The following SNAP91 variants were observed in gnomAD, a reference collection of about 807,000 sequenced individuals.
The protein encoded by SNAP91 is clathrin coat assembly protein AP180.
A neutral mutation model predicts 100.3 loss-of-function variants in SNAP91; 27 were observed. That is an observed-to-expected ratio of 0.27 (90% CI 0.20 to 0.37). SNAP91 has a LOEUF of 0.37. SNAP91 is among the 10% of genes least tolerant of loss of function. The probability of loss-of-function intolerance (pLI) is 1.00; values close to 1 mark genes in which losing one functional copy is unlikely to be tolerated. For missense variants in SNAP91, 986 were observed against 1,123.7 expected (o/e 0.88, Z 1.75); for synonymous variants, 404 against 398.6 (o/e 1.01, Z -0.16).
intron 21 of SNAP91, 140 bp from the exon 22 acceptor site, chr6:83,591,434 C>T (rs2093732456): frequency 3.5e-6 from 2 of 565,732 alleles, no homozygotes; most frequent in East Asian, 5.7e-5. Flanking sequence ...GTGAAATGAT[C>T]ACATGAATTG....
Position 83,617,095 on chromosome 6 carries a change from A to G in SNAP91, c.808-56T>C, listed in dbSNP as rs368494510. 6 of 1,155,798 alleles carry G rather than the reference A, an allele frequency of 5.2e-6. No homozygotes were observed. The African/African-American group carries it at 9.3e-5, about 18-fold the overall frequency. 71.6% of individuals were successfully genotyped at this position (1,155,798 alleles called of 1,614,324 possible). On this transcript the variant is annotated intron_variant, in intron 9 of 29. Transcript: ENST00000369694. ...CATTGTTTACTTTCAATGTAAACAC[A>G]CTGTAATGTCACTGTAACTGTATGG...
intron 17 of SNAP91, among the ~76,000 whole-genome samples, chr6:83,594,081 A>G (rs1439873490): frequency 6.6e-6 from 1 of 152,202 alleles, no homozygotes; most frequent in Non-Finnish European, 1.5e-5. Flanking sequence ...AAACATGCCA[A>G]TATATTTGAA....
chr6:83,610,605 TA>T, intron 12 of SNAP91, 44 bp downstream of exon 12: 3 of 589,788 alleles, frequency 5.1e-6, no homozygotes, highest in East Asian at 2.9e-5. Flanking sequence ...GGTAAAATGG[TA>T]AAAAACAAAA....
chr6:83,647,249 G>A (rs918294374), intron 7 of SNAP91, among the ~76,000 whole-genome samples: 4 of 152,108 alleles, frequency 2.6e-5, no homozygotes, highest in Non-Finnish European at 4.4e-5. Context: ...GTAGTGAGAG[G>A]AGACACTTTG....
intron 5 of SNAP91, among the ~76,000 whole-genome samples, chr6:83,659,296 T>C (rs964420997): frequency 1.2e-4 from 18 of 152,192 alleles, no homozygotes; most frequent in African/African-American, 3.9e-4. Context: ...GCAATGCTTG[T>C]TTGTTTTCTA....
chr6:83,603,720 C>T (rs2095434829), intron 14 of SNAP91, among the ~76,000 whole-genome samples: 1 of 152,086 alleles, frequency 6.6e-6, no homozygotes, highest in African/African-American at 2.4e-5. Flanking sequence ...ATGAGAAAGG[C>T]TCACAGCGTG....
chr6:83,579,081 C>T (rs1562187155), intron 24 of SNAP91, among the ~76,000 whole-genome samples: 1 of 152,188 alleles, frequency 6.6e-6, no homozygotes, highest in East Asian at 1.9e-4. Flanking sequence ...TTATTCTATA[C>T]CTTTGGTCTC....
At chr6:83,580,736 CT>C in intron 23 of SNAP91, 137 bp from the exon 24 acceptor site, 1 of 719,610 alleles carries the variant, frequency 1.4e-6, no homozygotes, top group Non-Finnish European at 2.2e-6. Context: ...GTAATTCACA[CT>C]TTTCATGACT....
intron 7 of SNAP91, among the ~76,000 whole-genome samples, chr6:83,655,339 T>C (rs1309638801): frequency 6.6e-6 from 1 of 152,200 alleles, no homozygotes; most frequent in East Asian, 1.9e-4. Flanking sequence ...TAGTGTCACA[T>C]ATGAGTCAGG....
At chr6:83,691,547 T>C (rs2099130328) in intron 2 of SNAP91, among the ~76,000 whole-genome samples, 1 of 152,180 alleles carries the variant, frequency 6.6e-6, no homozygotes, top group Non-Finnish European at 1.5e-5. Context: ...ATTTTACAAA[T>C]TGTTCCTCAA....
chr6:83,658,999 A>C lies in SNAP91; in HGVS notation c.546T>G (p.Asp182Glu), dbSNP rs781177152. Reference protein sequence around the residue: ...QGQIDALLEFDVHPNELTNGV... With the variant: ...QGQIDALLEFEVHPNELTNGV... ...AAACATTTTCTAGTGAGATACATAC[A>C]TCAAATTCAAGCAGTGCATCAATTT... is the stretch of plus-strand genomic sequence containing the variant. Residue 182 changes from aspartate to glutamate, a missense_variant and splice_region_variant, in exon 6 of 30, where the codon GAT becomes GAG. Physicochemically the swap from Asp to Glu is conservative, Grantham distance 45. Around this residue, in one of 4 missense-constraint regions of SNAP91, gnomAD observed 330 missense variants for 447.5 expected, o/e 0.74. Transcript: ENST00000369694. The C allele has an allele frequency of 3.8e-6, 6 of 1,592,788 alleles. No individual in the cohort carries two copies. Among genetic ancestry groups the C allele is most frequent in the Non-Finnish European group, 5.1e-6 (6 of 1,167,436 alleles).
At chr6:83,646,079 T>C (rs969213779) in intron 7 of SNAP91, among the ~76,000 whole-genome samples, 4 of 152,364 alleles carry the variant, frequency 2.6e-5, no homozygotes, top group African/African-American at 7.2e-5. Flanking sequence ...GGTTGTTTTA[T>C]TATTTTTTAG....
Position 83,601,415 on chromosome 6 carries a change from C to G in SNAP91, c.1180G>C (p.Val394Leu), listed in dbSNP as rs1562290453. The change falls in exon 16 of 30, where the codon GTT becomes CTT. Residue 394 changes from valine (V) to leucine (L), a missense_variant. By Grantham distance (32) the Val-to-Leu change is conservative. Coordinates refer to ENST00000369694, the MANE Select transcript of SNAP91 (RefSeq NM_001242792.2). The part of the protein sequence containing the change: ...GEDSLAALSS[V>L]PSEAQISDPF... ...TCTGAAATCTGTGCTTCAGAGGGAA[C>G]AGAGGAAAGTGCAGCCAAAGAATCT... 6.2e-7 allele frequency: 1 copy of G among 1,613,358 alleles called. No individual in the cohort carries two copies. The highest frequency in any genetic ancestry group is 8.5e-7 in the Non-Finnish European group (1 of 1,179,734).
chr6:83,610,575 T>A, intron 12 of SNAP91, 75 bp downstream of exon 12: 10 of 512,570 alleles, frequency 2.0e-5, no homozygotes, highest in Non-Finnish European at 2.9e-5. Context: ...ATAATGCCAC[T>A]GAACTGTACA....
chr6:83,615,636 G>A (rs1164233982), intron 10 of SNAP91, among the ~76,000 whole-genome samples: 1 of 152,086 alleles, frequency 6.6e-6, no homozygotes, highest in Non-Finnish European at 1.5e-5. Context: ...GCCCCTGAGA[G>A]CTCCTACTAT....
intron 19 of SNAP91, 60 bp from the exon 20 acceptor site, chr6:83,593,077 A>G: frequency 6.5e-7 from 1 of 1,536,568 alleles, no homozygotes; most frequent in Non-Finnish European, 8.8e-7. Context: ...GCTGAAATCA[A>G]AGTCAAAAAT....
intron 2 of SNAP91, among the ~76,000 whole-genome samples, chr6:83,677,485 ATGCACCACTATTACTTCAGAAGGGGATGG>A (rs2098926865): frequency 6.6e-6 from 1 of 152,198 alleles, no homozygotes; most frequent in Admixed American, 6.5e-5. Flanking sequence ...AACTAGGGCC[ATGCACCACTATTACTTCAGAAGGGGATGG>A]TGGAGAGAAG....
At chr6:83,700,783 A>G (rs2099285210) in intron 2 of SNAP91, among the ~76,000 whole-genome samples, 1 of 152,008 alleles carries the variant, frequency 6.6e-6, no homozygotes, top group South Asian at 2.1e-4. Flanking sequence ...TTTTTTATAG[A>G]GATGGAGTCT....
Position 83,582,315 on chromosome 6 carries a change from T to G in SNAP91, c.2056A>C (p.Thr686Pro), listed in dbSNP as rs1386843997. The G allele has an allele frequency of 6.2e-7, 1 of 1,612,676 alleles. No homozygotes were observed. The highest frequency in any genetic ancestry group is 1.3e-5 in the African/African-American group (1 of 74,666). The change falls in exon 23 of 30, where the codon ACT becomes CCT. Residue 686 changes from threonine to proline, a missense_variant. Thr to Pro is a conservative substitution (Grantham distance 38). Transcript: ENST00000369694. ...SFMAPSPSPV[T>P]PAQNNLLQPN... ...TGTAGCAGGTTATTCTGAGCTGGAG[T>G]CACTGGAGATGGGGAAGGCGCCATG...
Sources: gnomAD v4.1 joint callset for allele counts (sites outside exome capture counted in the v4.1 genomes callset) on GRCh38, gnomAD v4.1.1 for gene constraint, gnomAD v4.1.1 regional missense constraint, MANE v1.5 for transcripts, NCBI Gene and HGNC (gene_info 2026-07-23, HGNC 2026-07-21) for gene names.